The following CELSR1 variants were observed in gnomAD, a reference collection of about 807,000 sequenced individuals.
CELSR1 encodes cadherin EGF LAG seven-pass G-type receptor 1, also known as adhesion G protein-coupled receptor C1.
In CELSR1, 110 loss-of-function variants were observed where a neutral mutation model predicts 249.1. The observed-to-expected ratio is 0.44, with a 90% confidence interval of 0.38 to 0.52. The LOEUF (loss-of-function observed/expected upper bound fraction) is 0.52, where lower values mean the gene tolerates loss of function less well. CELSR1 is among the 20% of genes least tolerant of loss of function. The probability of loss-of-function intolerance (pLI) is 0.00; values close to 1 mark genes in which losing one functional copy is unlikely to be tolerated. For synonymous variants in CELSR1, 2,113 were observed against 1,900.0 expected (o/e 1.11, Z -2.92); for missense variants, 4,109 against 4,296.4 (o/e 0.96, Z 1.22).
Position 46,399,397 on chromosome 22 carries a change from G to A in CELSR1, c.5412+320C>T, listed in dbSNP as rs976352698. On this transcript the variant is annotated intron_variant, in intron 10 of 34. Coordinates refer to ENST00000674500, the MANE Select transcript of CELSR1 (RefSeq NM_001378328.1). This position sits in a 1 kb window ranked among gnomAD's most constrained non-coding sequence, Gnocchi z 5.0. ...TACTTCAGTACCCTAAAGACATGGT[G>A]CTGAGCCTGCAGGTGTTGCTCAAGA... Among the ~76,000 whole-genome samples the A allele has an allele frequency of 3.9e-5, 6 of 152,220 alleles. No homozygotes were observed. Among genetic ancestry groups the A allele is most frequent in the African/African-American group, 1.4e-4 (6 of 41,464 alleles).
chr22:46,391,278 T>A lies in CELSR1; in HGVS notation c.6158A>T (p.Asn2053Ile). ...VTTLGCEVIY[N>I]GCPKAFEAGI... Reference sequence around the variant, plus strand: ...GGCCTCAAATGCTTTGGGACAGCCATTGTAGATCACTGGGGTAGAGAAGAG... The same window carrying A: ...GGCCTCAAATGCTTTGGGACAGCCAATGTAGATCACTGGGGTAGAGAAGAG... The change falls in exon 16 of 35, where the codon AAT (asparagine) becomes ATT (isoleucine). Residue 2053 changes from asparagine (N) to isoleucine (I), a missense_variant. Around this residue, in one of 7 missense-constraint regions of CELSR1, gnomAD observed 1,805 missense variants for 1,831.6 expected, o/e 0.99. Coordinates refer to ENST00000674500, the MANE Select transcript of CELSR1 (RefSeq NM_001378328.1). The surrounding 1 kb of genome is among the most constrained non-coding windows in gnomAD (Gnocchi z 4.3). 6.2e-7 allele frequency: 1 copy of A among 1,613,494 alleles called. No individual in the cohort carries two copies. The highest frequency in any genetic ancestry group is 8.5e-7 in the Non-Finnish European group (1 of 1,179,912).
At position 46,473,935 on chromosome 22, in the gene CELSR1, CTCACGAATGCAGGT is replaced by C. The variant is rs2080181016; in HGVS notation, c.3545-9604_3545-9591del. 6.6e-6 allele frequency among the ~76,000 whole-genome samples: 1 copy of C among 152,148 alleles called. No individual in the cohort carries two copies. The highest frequency in any genetic ancestry group is 2.1e-4 in the South Asian group (1 of 4,828). Reference sequence around the variant, plus strand: ...CTGGGCAACAATCTAGGACCTGCGTCTCACGAATGCAGGTTCACGTCACAGGAACAAGGGGACAA... The same window carrying C: ...CTGGGCAACAATCTAGGACCTGCGTCTCACGTCACAGGAACAAGGGGACAA... On this transcript the variant is annotated intron_variant, in intron 1 of 34. Coordinates refer to ENST00000674500, the MANE Select transcript of CELSR1 (RefSeq NM_001378328.1). The surrounding 1 kb of genome is among the most constrained non-coding windows in gnomAD (Gnocchi z 6.6).
rs1261221808 is a variant in CELSR1 at position 46,427,092 on chromosome 22, T to A, written c.4611+6301A>T. On this transcript the variant is annotated intron_variant, in intron 5 of 34. Coordinates refer to ENST00000674500, the MANE Select transcript of CELSR1 (RefSeq NM_001378328.1). This position sits in a 1 kb window ranked among gnomAD's most constrained non-coding sequence, Gnocchi z 4.2. The stretch of plus-strand genomic sequence containing the variant: ...GAAAAAAAGATCAATATGAAGTGTG[T>A]GTGCATGTATATATGTACACACACA... 1.3e-5 allele frequency among the ~76,000 whole-genome samples: 2 copies of A among 152,160 alleles called. No individual in the cohort carries two copies. Among genetic ancestry groups the A allele is most frequent in the African/African-American group, 4.8e-5 (2 of 41,428 alleles).
intron 19 of CELSR1, 133 bp from the exon 20 acceptor site, chr22:46,384,819 T>A: frequency 1.0e-6 from 1 of 963,626 alleles, no homozygotes; most frequent in Non-Finnish European, 1.5e-6. Context: ...AGGTGGAGTC[T>A]CGCAGTGTCT....
At chr22:46,476,634 A>G (rs2080211270) in intron 1 of CELSR1, among the ~76,000 whole-genome samples, 1 of 151,674 alleles carries the variant, frequency 6.6e-6, no homozygotes, top group African/African-American at 2.4e-5. Context: ...TGACCAGGCT[A>G]CAACGTGCAT....
rs569547625 is a variant in CELSR1, at chr22:46,407,046, G to A, written c.5226+1950C>T. ...CTGGGAGAACAGGGTGAGTGTTCCC[G>A]TGTGGCCGACCCCAAGGCAGGAGAG... On this transcript the variant is annotated intron_variant, in intron 9 of 34. Coordinates refer to ENST00000674500, the MANE Select transcript of CELSR1 (RefSeq NM_001378328.1). The surrounding 1 kb of genome is among the most constrained non-coding windows in gnomAD (Gnocchi z 4.8). Among the ~76,000 whole-genome samples the A allele has an allele frequency of 8.3e-4, 127 of 152,326 alleles. No individual in the cohort carries two copies. The highest frequency in any genetic ancestry group is 2.9e-3 in the African/African-American group (121 of 41,580).
chr22:46,458,003 G>C (rs2079976928), intron 2 of CELSR1, among the ~76,000 whole-genome samples: 1 of 152,230 alleles, frequency 6.6e-6, no homozygotes, highest in African/African-American at 2.4e-5. Flanking sequence ...AGACCCGCGG[G>C]CATGTTCTGT....
chr22:46,388,789 G>T lies in CELSR1; in HGVS notation c.6555+501C>A, dbSNP rs2079057699. On this transcript the variant is annotated intron_variant, in intron 18 of 34. Transcript: ENST00000674500. Reference sequence around the variant, plus strand: ...ATGACAACTTCCACACACACAGCCAGAGGGTTGAGGCGGAGGTGTGGCCCT... The same window carrying T: ...ATGACAACTTCCACACACACAGCCATAGGGTTGAGGCGGAGGTGTGGCCCT... 2.6e-5 allele frequency among the ~76,000 whole-genome samples: 4 copies of T among 152,230 alleles called. No individual in the cohort carries two copies. The South Asian group carries it at 8.3e-4, about 32-fold the overall frequency.
At position 46,446,460 on chromosome 22, in the gene CELSR1, CGT is replaced by C. The variant is rs1555919305; in HGVS notation, c.4184-7051_4184-7050del. Among the ~76,000 whole-genome samples the C allele has an allele frequency of 6.6e-6, 1 of 152,182 alleles. No homozygotes were observed. The highest frequency in any genetic ancestry group is 1.5e-5 in the Non-Finnish European group (1 of 68,044). ...AGCCCTGCTTGTGCGATGGTTCCCCCGTGTGTTTCTCTCCCCAGCTCTGTGCA... is the reference window on the plus strand; with the variant it reads ...AGCCCTGCTTGTGCGATGGTTCCCCCGTGTTTCTCTCCCCAGCTCTGTGCA... On this transcript the variant is annotated intron_variant, in intron 2 of 34. Coordinates refer to ENST00000674500, the MANE Select transcript of CELSR1 (RefSeq NM_001378328.1). The surrounding 1 kb of genome is among the most constrained non-coding windows in gnomAD (Gnocchi z 5.5).
rs1366793831 is a variant in CELSR1, at chr22:46,374,634, G to C, written c.7585-1577C>G. Among the ~76,000 whole-genome samples the C allele has an allele frequency of 6.6e-6, 1 of 152,176 alleles. No individual in the cohort carries two copies. Among genetic ancestry groups the C allele is most frequent in the Non-Finnish European group, 1.5e-5 (1 of 68,026 alleles). ...GCGACGAGTCAGTGTGGGAACCCAG[G>C]GGCCGCCTCAGTTTCGCTGGGGTGT... On this transcript the variant is annotated intron_variant, in intron 24 of 34. Coordinates refer to ENST00000674500, the MANE Select transcript of CELSR1 (RefSeq NM_001378328.1). The surrounding 1 kb of genome is among the most constrained non-coding windows in gnomAD (Gnocchi z 4.3).
At chr22:46,482,427 A>C (rs892173809) in intron 1 of CELSR1, among the ~76,000 whole-genome samples, 1 of 152,184 alleles carries the variant, frequency 6.6e-6, no homozygotes, top group African/African-American at 2.4e-5. Context: ...ATACCAGATA[A>C]TGAGAGCAAA....
At chr22:46,519,211 G>GT in intron 1 of CELSR1, among the ~76,000 whole-genome samples, 1 of 152,188 alleles carries the variant, frequency 6.6e-6, no homozygotes. Context: ...ACTGGACAGG[G>GT]TGGGGGTGTT....
Position 46,428,010 on chromosome 22 carries a change from G to C in CELSR1, c.4611+5383C>G, listed in dbSNP as rs893908169. ...ACTCTGGGGTTTAATGTGCAGCACA[G>C]ACCCAAGAGGTTTTGAATGACCTGA... On this transcript the variant is annotated intron_variant, in intron 5 of 34. Coordinates refer to ENST00000674500, the MANE Select transcript of CELSR1 (RefSeq NM_001378328.1). This position sits in a 1 kb window ranked among gnomAD's most constrained non-coding sequence, Gnocchi z 5.7. Among the ~76,000 whole-genome samples, 2 of 152,136 alleles carry C rather than the reference G, an allele frequency of 1.3e-5. No individual in the cohort carries two copies. Among genetic ancestry groups the C allele is most frequent in the African/African-American group, 4.8e-5 (2 of 41,420 alleles).
chr22:46,462,546 G>A (rs1043338738), intron 2 of CELSR1, among the ~76,000 whole-genome samples: 1 of 151,832 alleles, frequency 6.6e-6, no homozygotes, highest in Non-Finnish European at 1.5e-5. Context: ...GATTGCTCAG[G>A]TGTTTATATT....
Position 46,535,427 on chromosome 22 carries a change from A to G in CELSR1, c.1744T>C (p.Tyr582His), listed in dbSNP as rs147210787. 5.7e-5 allele frequency: 92 copies of G among 1,608,118 alleles called. No individual in the cohort carries two copies. In the African/African-American group the frequency reaches 1.1e-3, roughly 18 times the overall value. ...ACCGCCTGAATGTGCACCACGGGGT[A>G]GCCCAGGGGCACATTCTCCAGCACC... The part of the protein sequence containing the change: ...ATVLENVPLG[Y>H]PVVHIQAVDA... Residue 582 changes from tyrosine (Y) to histidine (H), a missense_variant, in exon 1 of 35, where the codon TAC becomes CAC. Tyr to His is a moderately conservative substitution (Grantham distance 83). Coordinates refer to ENST00000674500, the MANE Select transcript of CELSR1 (RefSeq NM_001378328.1).
Position 46,411,902 on chromosome 22 carries a change from G to T in CELSR1, c.4612-143C>A. On this transcript the variant is annotated intron_variant, in intron 5 of 34. Transcript: ENST00000674500. This position sits in a 1 kb window ranked among gnomAD's most constrained non-coding sequence, Gnocchi z 4.2. ...AGGGATGAGGAGCCCCCGGCCTTTA[G>T]TTCCCCAAACTAGCTGTGCTGGGCT... is the stretch of plus-strand genomic sequence containing the variant. 3.9e-6 allele frequency: 4 copies of T among 1,031,812 alleles called. No homozygotes were observed. Among genetic ancestry groups the T allele is most frequent in the Non-Finnish European group, 5.7e-6 (4 of 696,846 alleles). The allele number at this position is 1,031,812 out of a possible 1,614,324, so 63.9% of individuals were successfully genotyped here. A position where few individuals can be genotyped will look rare whatever the true frequency, so the allele number is the denominator to read the frequency against.
In CELSR1 at chr22:46,527,305, C is replaced by T. The variant is rs573098912; in HGVS notation, c.3544+6322G>A. ...AGCAAGCATGATGTCCCCAGCTTCC[C>T]TCCCCTCCACTCTCACCGCCCAGCA... On this transcript the variant is annotated intron_variant, in intron 1 of 34. Transcript: ENST00000674500. This position sits in a 1 kb window ranked among gnomAD's most constrained non-coding sequence, Gnocchi z 5.5. 6.6e-6 allele frequency among the ~76,000 whole-genome samples: 1 copy of T among 152,274 alleles called. No individual in the cohort carries two copies. Among genetic ancestry groups the T allele is most frequent in the South Asian group, 2.1e-4 (1 of 4,828 alleles).
chr22:46,495,202 C>T (rs1376222308), intron 1 of CELSR1, among the ~76,000 whole-genome samples: 7 of 152,190 alleles, frequency 4.6e-5, no homozygotes, highest in Admixed American at 4.6e-4. Flanking sequence ...ATGGCTGGTA[C>T]AGCCTGCTAC....
rs372826125 is a variant in CELSR1 at position 46,411,568 on chromosome 22, G to A, written c.4769+34C>T. Reference sequence around the variant, plus strand: ...GCAGGGTGAGCATGTTTGGGGGTACGGACCCCCAGGGCCTCCCCTCCTGGG... The same window carrying A: ...GCAGGGTGAGCATGTTTGGGGGTACAGACCCCCAGGGCCTCCCCTCCTGGG... On this transcript the variant is annotated intron_variant, in intron 6 of 34. Transcript: ENST00000674500. The surrounding 1 kb of genome is among the most constrained non-coding windows in gnomAD (Gnocchi z 4.2). 39 of 1,612,228 alleles carry A rather than the reference G, an allele frequency of 2.4e-5. No homozygotes were observed. The highest frequency in any genetic ancestry group is 2.7e-5 in the Non-Finnish European group (32 of 1,179,218).
Sources: gnomAD v4.1 joint callset for allele counts (sites outside exome capture counted in the v4.1 genomes callset) on GRCh38, gnomAD v4.1.1 for gene constraint, gnomAD v4.1.1 regional missense constraint, Gnocchi (gnomAD v3.1) non-coding constraint, MANE v1.5 for transcripts, NCBI Gene and HGNC (gene_info 2026-07-23, HGNC 2026-07-21) for gene names.